The following AK9 variants were observed in gnomAD, a reference collection of about 807,000 sequenced individuals.
AK9 encodes adenylate kinase domain containing 1.
In AK9, 191 loss-of-function variants were observed where a neutral mutation model predicts 239.6. The observed-to-expected ratio is 0.80, with a 90% CI of 0.71 to 0.90. The LOEUF is 0.90. Ranked by LOEUF, AK9 falls within the 40% of genes least tolerant of loss-of-function variation. AK9 has a pLI of 0.00. For missense variants in AK9, 1,995 were observed against 2,214.7 expected (o/e 0.90, Z 1.99); for synonymous variants, 689 against 721.0 (o/e 0.96, Z 0.71).
chr6:109,549,601 A>G (rs1784048106), intron 25 of AK9: 1 of 152,228 alleles, frequency 6.6e-6, no homozygotes, highest in Non-Finnish European at 1.5e-5. Flanking sequence ...TACTAAAGAA[A>G]TCAAAATAGA....
At position 109,546,052 on chromosome 6, in the gene AK9, T is replaced by G; in HGVS notation, c.3040A>C (p.Lys1014Gln). The G allele has an allele frequency of 6.2e-7, 1 of 1,613,756 alleles. No individual in the cohort carries two copies. The highest frequency in any genetic ancestry group is 8.5e-7 in the Non-Finnish European group (1 of 1,179,836). The part of the protein sequence containing the change: ...KTMCGRQLAE[K>Q]LNIFHIQFEE... Reference sequence around the variant, plus strand: ...AACTGAATGTGAAAAATGTTTAATTTTTCTGCCAACTGTCTTCCACACATA... The same window carrying G: ...AACTGAATGTGAAAAATGTTTAATTGTTCTGCCAACTGTCTTCCACACATA... Residue 1014 changes from lysine (K) to glutamine (Q), a missense_variant, in exon 26 of 41, where the codon AAA becomes CAA. Physicochemically the swap from Lys to Gln is moderately conservative, Grantham distance 53. Around this residue, in one of 5 missense-constraint regions of AK9, gnomAD observed 1,290 missense variants for 1,392.7 expected, o/e 0.93. Transcript: ENST00000424296.
rs558315586 is a variant in AK9 at position 109,568,625 on chromosome 6, T to C, written c.2345-3780A>G. Among the ~76,000 whole-genome samples the C allele has an allele frequency of 4.4e-4, 67 of 152,296 alleles. No homozygotes were observed. The Middle Eastern group carries it at 0.01, about 23-fold the overall frequency. Reference sequence around the variant, plus strand: ...TGTGCAAAAATCACACGCATTCCTATACACCAATAACAGACAAACAGAGAG... The same window carrying C: ...TGTGCAAAAATCACACGCATTCCTACACACCAATAACAGACAAACAGAGAG... On this transcript the variant is annotated intron_variant, in intron 21 of 40. Coordinates refer to ENST00000424296, the MANE Select transcript of AK9 (RefSeq NM_001145128.3).
intron 32 of AK9, among the ~76,000 whole-genome samples, chr6:109,512,474 C>G (rs1306504670): frequency 6.6e-6 from 1 of 152,148 alleles, no homozygotes; most frequent in Admixed American, 6.5e-5. Flanking sequence ...CTTTCTTGCA[C>G]GAGATCCAAG....
chr6:109,645,117 C>T lies in AK9; in HGVS notation c.760-429G>A, dbSNP rs112287328. Among the ~76,000 whole-genome samples the T allele has an allele frequency of 6.3e-3, 964 of 152,290 alleles. 15 individuals carry two copies. Among genetic ancestry groups the T allele is most frequent in the African/African-American group, 0.022 (910 of 41,570 alleles). ...CAAGATGGCCAAATAGGAACAGTTCCGGTCTACAGCTCCCAGCGTGATCGA... is the reference window on the plus strand; with the variant it reads ...CAAGATGGCCAAATAGGAACAGTTCTGGTCTACAGCTCCCAGCGTGATCGA... On this transcript the variant is annotated intron_variant, in intron 8 of 40. Coordinates refer to ENST00000424296, the MANE Select transcript of AK9 (RefSeq NM_001145128.3).
chr6:109,557,726 T>A (rs565468153), intron 24 of AK9, among the ~76,000 whole-genome samples: 1 of 152,244 alleles, frequency 6.6e-6, no homozygotes, highest in African/African-American at 2.4e-5. Context: ...TGAATGGGCA[T>A]GTGCTCTCCT....
intron 17 of AK9, among the ~76,000 whole-genome samples, chr6:109,604,950 T>C (rs1313253536): frequency 2.6e-5 from 4 of 151,920 alleles, no homozygotes; most frequent in Non-Finnish European, 5.9e-5. Flanking sequence ...ATGTGGATTG[T>C]TAAAATTCTT....
chr6:109,597,394 C>T lies in AK9; in HGVS notation c.1843-11322G>A, dbSNP rs1167888203. On this transcript the variant is annotated intron_variant, in intron 17 of 40. Coordinates refer to ENST00000424296, the MANE Select transcript of AK9 (RefSeq NM_001145128.3). ...ATTTTCTTTAAAAATTTTTTTTTGC[C>T]GGGCGCGGTGGCTCATGCCTGTAAT... Among the ~76,000 whole-genome samples, 7 of 151,676 alleles carry T rather than the reference C, an allele frequency of 4.6e-5. No individual in the cohort carries two copies. In the East Asian group the frequency reaches 9.7e-4, roughly 21 times the overall value.
At chr6:109,640,182 C>A (rs1379318931) in intron 10 of AK9, among the ~76,000 whole-genome samples, 1 of 152,158 alleles carries the variant, frequency 6.6e-6, no homozygotes, top group Non-Finnish European at 1.5e-5. Context: ...ACAGTTCAAT[C>A]TCAGACTGCT....
intron 8 of AK9, among the ~76,000 whole-genome samples, chr6:109,645,722 A>C (rs1289216887): frequency 6.6e-6 from 1 of 152,232 alleles, no homozygotes; most frequent in Admixed American, 6.5e-5. Context: ...CCCAGCACAG[A>C]GTTTGAGCTC....
intron 24 of AK9, among the ~76,000 whole-genome samples, chr6:109,554,395 G>A (rs1784712958): frequency 6.6e-6 from 1 of 152,022 alleles, no homozygotes; most frequent in Non-Finnish European, 1.5e-5. Context: ...GTCTACTCAG[G>A]GATTCAACTT....
At chr6:109,607,293 T>A (rs1793006381) in intron 17 of AK9, among the ~76,000 whole-genome samples, 1 of 152,170 alleles carries the variant, frequency 6.6e-6, no homozygotes, top group African/African-American at 2.4e-5. Context: ...AAGACCTAAA[T>A]TAATTATAGT....
At chr6:109,658,555 C>T (rs367894510) in intron 7 of AK9, among the ~76,000 whole-genome samples, 3 of 152,076 alleles carry the variant, frequency 2.0e-5, no homozygotes, top group African/African-American at 4.8e-5. Flanking sequence ...GCAACTGGAA[C>T]GTGCTGTAAA....
chr6:109,524,470 A>C (rs1165994001), intron 29 of AK9, among the ~76,000 whole-genome samples: 2 of 152,212 alleles, frequency 1.3e-5, no homozygotes, highest in Non-Finnish European at 2.9e-5. Flanking sequence ...AAAGAAGCTT[A>C]GTGAACTCCA....
intron 19 of AK9, among the ~76,000 whole-genome samples, chr6:109,580,530 C>A (rs925634137): frequency 6.6e-6 from 1 of 152,032 alleles, no homozygotes; most frequent in Non-Finnish European, 1.5e-5. Flanking sequence ...AAGGAAGAGC[C>A]CATTCATGTC....
chr6:109,494,306 A>G (rs1250907783), intron 39 of AK9, among the ~76,000 whole-genome samples: 1 of 152,230 alleles, frequency 6.6e-6, no homozygotes, highest in Non-Finnish European at 1.5e-5. Context: ...TTACAAACTG[A>G]CTTAGTGTCA....
At chr6:109,672,802 T>C (rs752310233) in intron 3 of AK9, among the ~76,000 whole-genome samples, 11 of 152,172 alleles carry the variant, frequency 7.2e-5, no homozygotes, top group Non-Finnish European at 1.2e-4. Context: ...AAGGATGAAA[T>C]CAGGTGGTGT....
At chr6:109,645,339 C>A (rs775107954) in intron 8 of AK9, among the ~76,000 whole-genome samples, 7 of 152,286 alleles carry the variant, frequency 4.6e-5, no homozygotes, top group Middle Eastern at 3.4e-3. Flanking sequence ...CCTGGAAAAT[C>A]GGGACACTCC....
chr6:109,652,098 C>A (rs916264101), intron 8 of AK9, among the ~76,000 whole-genome samples: 26 of 151,914 alleles, frequency 1.7e-4, no homozygotes, highest in African/African-American at 6.3e-4. Context: ...AGAGAAACAA[C>A]AAAAAAAGAG....
At chr6:109,563,765 A>T in intron 23 of AK9, 53 bp from the exon 24 acceptor site, 1 of 1,493,606 alleles carries the variant, frequency 6.7e-7, no homozygotes, top group South Asian at 1.3e-5. Flanking sequence ...AAAGGTTATT[A>T]GCATATTACT....
Sources: allele counts gnomAD v4.1 joint callset (sites outside exome capture counted in the v4.1 genomes callset), GRCh38; gene constraint gnomAD v4.1.1; regional missense constraint gnomAD v4.1.1; transcripts MANE v1.5; gene names NCBI Gene and HGNC (gene_info 2026-07-23, HGNC 2026-07-21).